EIF4ENIF1: variants seen among roughly 807,000 people sequenced by gnomAD.
EIF4ENIF1 encodes the protein eukaryotic translation initiation factor 4E transporter.
Under a neutral mutation model 110.5 loss-of-function variants are expected in EIF4ENIF1, and 23 were observed. The ratio of observed to expected loss-of-function variants is 0.21; its 90% confidence interval spans 0.15 to 0.29. EIF4ENIF1 has a LOEUF of 0.29. Among genes scored for constraint, EIF4ENIF1 ranks in the 10% least tolerant of loss-of-function variants. EIF4ENIF1 has a pLI of 1.00. For synonymous variants in EIF4ENIF1, 440 were observed against 437.0 expected, an observed-to-expected ratio of 1.01 and a Z score of -0.09; for missense variants, 1,031 against 1,221.1, an observed-to-expected ratio of 0.84 and a Z score of 2.32.
upstream of EIF4ENIF1, among the ~76,000 whole-genome samples, chr22:31,491,825 G>C (rs1359200078): frequency 6.6e-6 from 1 of 152,172 alleles, no homozygotes; most frequent in Non-Finnish European, 1.5e-5. Context: ...TTACAGGCAT[G>C]AGCCACCACA....
intron 6 of EIF4ENIF1, among the ~76,000 whole-genome samples, chr22:31,461,125 T>C (rs1207668857): frequency 2.6e-5 from 4 of 152,184 alleles, no homozygotes; most frequent in African/African-American, 4.8e-5. Flanking sequence ...AACCCTTAAG[T>C]TATGATAGGC....
At chr22:31,465,756 A>G (rs2051163936) in intron 4 of EIF4ENIF1, among the ~76,000 whole-genome samples, 1 of 152,250 alleles carries the variant, frequency 6.6e-6, no homozygotes, top group Non-Finnish European at 1.5e-5. Context: ...ACAGTCAAAA[A>G]CTGGAAACAA....
chr22:31,456,544 T>C (rs957246638), intron 7 of EIF4ENIF1, among the ~76,000 whole-genome samples: 1 of 151,894 alleles, frequency 6.6e-6, no homozygotes, highest in Non-Finnish European at 1.5e-5. Flanking sequence ...TAAGACAGTC[T>C]CGCTCTGTTG....
chr22:31,491,869 C>T (rs1487923701), upstream of EIF4ENIF1, among the ~76,000 whole-genome samples: 5 of 152,134 alleles, frequency 3.3e-5, no homozygotes, highest in Admixed American at 6.5e-5. Flanking sequence ...ATACTAGAAA[C>T]CCGGAAATTA....
At position 31,440,787 on chromosome 22, in the gene EIF4ENIF1, G is replaced by C; in HGVS notation, c.2633C>G (p.Pro878Arg). ...PILGQPFYPLPAASHPLLNPR... is the reference protein window; with the variant it reads ...PILGQPFYPLRAASHPLLNPR... Reference sequence around the variant, plus strand: ...GTTTAAGAGAGGGTGACTAGCAGCAGGTAAAGGGTAAAAGGGCTGACCCAG... The same window carrying C: ...GTTTAAGAGAGGGTGACTAGCAGCACGTAAAGGGTAAAAGGGCTGACCCAG... The change falls in exon 18 of 19, where the codon CCT becomes CGT. Residue 878 changes from proline to arginine, a missense_variant. Physicochemically the swap from Pro to Arg is moderately radical, Grantham distance 103. Coordinates refer to ENST00000330125, the MANE Select transcript of EIF4ENIF1 (RefSeq NM_019843.4). The C allele has an allele frequency of 1.1e-5, 18 of 1,613,994 alleles. No homozygotes were observed. The highest frequency in any genetic ancestry group is 1.5e-5 in the Non-Finnish European group (18 of 1,179,882).
chr22:31,473,821 T>C (rs1313543747), intron 2 of EIF4ENIF1, among the ~76,000 whole-genome samples: 2 of 152,228 alleles, frequency 1.3e-5, no homozygotes. Flanking sequence ...GCATTTAGCA[T>C]GCAATCTGTG....
At chr22:31,463,177 C>T (rs745723105) in intron 5 of EIF4ENIF1, 44 bp from the exon 6 acceptor site, 13 of 1,579,200 alleles carry the variant, frequency 8.2e-6, no homozygotes, top group Non-Finnish European at 1.1e-5. Context: ...TCTAGTCAAG[C>T]CATTTCTACT....
intron 2 of EIF4ENIF1, 31 bp downstream of exon 2, chr22:31,488,592 G>A (rs752360412): frequency 1.9e-6 from 3 of 1,613,864 alleles, no homozygotes; most frequent in Admixed American, 3.3e-5. Flanking sequence ...CACCTAAAAA[G>A]AAACACTATT....
At position 31,439,653 on chromosome 22, in the gene EIF4ENIF1, T is replaced by C; in HGVS notation, c.*227A>G. 1.7e-6 allele frequency: 1 copy of C among 597,538 alleles called. No individual in the cohort carries two copies. Among genetic ancestry groups the C allele is most frequent in the South Asian group, 2.3e-5 (1 of 42,800 alleles). The allele number at this position is 597,538 out of a possible 1,614,324, so 37.0% of individuals were successfully genotyped here. A position where few individuals can be genotyped will look rare whatever the true frequency, so the allele number is the denominator to read the frequency against. On this transcript the variant is annotated 3_prime_UTR_variant, in exon 19 of 19. Coordinates refer to ENST00000330125, the MANE Select transcript of EIF4ENIF1 (RefSeq NM_019843.4). ...TATCTTACAAAAAAGAAAGACCATTTCCAGGATTGACAACATTGTGCATCC... is the reference window on the plus strand; with the variant it reads ...TATCTTACAAAAAAGAAAGACCATTCCCAGGATTGACAACATTGTGCATCC...
chr22:31,465,659 T>G (rs1367995105), intron 4 of EIF4ENIF1, among the ~76,000 whole-genome samples: 1 of 152,222 alleles, frequency 6.6e-6, no homozygotes, highest in Admixed American at 6.5e-5. Context: ...AACCCAGCCA[T>G]TTTAATCCTA....
At chr22:31,454,988 G>A (rs2050772472) in intron 9 of EIF4ENIF1, 148 bp downstream of exon 9, 1 of 633,350 alleles carries the variant, frequency 1.6e-6, no homozygotes, top group Middle Eastern at 4.6e-4. Context: ...ATTGTTTGAT[G>A]AAATGAGTTT....
intron 15 of EIF4ENIF1, 121 bp from the exon 16 acceptor site, chr22:31,443,215 G>A: frequency 8.8e-6 from 12 of 1,370,110 alleles, no homozygotes; most frequent in South Asian, 5.7e-5. Context: ...TAGGCCAACT[G>A]TAGTATTCTG....
At position 31,442,066 on chromosome 22, in the gene EIF4ENIF1, G is replaced by A. The variant is rs1239637563; in HGVS notation, c.2259C>T (p.Pro753=). Residue 753 remains proline, a synonymous_variant, in exon 17 of 19, where the codon CCC becomes CCT. Transcript: ENST00000330125. The stretch of plus-strand genomic sequence containing the variant: ...ATGCTGACAGTTTGGAATTTGTAGT[G>A]GGAGAAGAGTCTCGATCGGCACTGG... ...SVPSADRDSS[P]TTNSKLSALQ... The A allele has an allele frequency of 1.9e-6, 3 of 1,614,166 alleles. No homozygotes were observed. Among genetic ancestry groups the A allele is most frequent in the African/African-American group, 1.3e-5 (1 of 75,030 alleles).
chr22:31,474,725 A>G (rs1601632058), intron 2 of EIF4ENIF1, among the ~76,000 whole-genome samples: 1 of 152,110 alleles, frequency 6.6e-6, no homozygotes, highest in Admixed American at 6.6e-5. Flanking sequence ...GCACACTAAC[A>G]CACATATCTA....
At chr22:31,457,385 A>C (rs9606843) in intron 7 of EIF4ENIF1, among the ~76,000 whole-genome samples, 34,548 of 152,206 alleles carry the variant, frequency 0.23, 5,047 homozygotes, top group East Asian at 0.46. Context: ...ATTCAGTCAA[A>C]TATCCAAATT....
intron 2 of EIF4ENIF1, among the ~76,000 whole-genome samples, chr22:31,473,327 C>T (rs1480856011): frequency 1.3e-5 from 2 of 152,132 alleles, no homozygotes; most frequent in Non-Finnish European, 2.9e-5. Context: ...CTTCTGCAGA[C>T]CCAAGTTGAG....
chr22:31,441,246 C>T (rs990864683), intron 17 of EIF4ENIF1, among the ~76,000 whole-genome samples: 3 of 148,576 alleles, frequency 2.0e-5, no homozygotes, highest in South Asian at 4.3e-4. Context: ...GAGCGAGACT[C>T]AAAAAAGAAT....
chr22:31,451,458 T>C (rs1010091593), intron 10 of EIF4ENIF1, among the ~76,000 whole-genome samples: 16 of 151,162 alleles, frequency 1.1e-4, no homozygotes, highest in African/African-American at 3.9e-4. Context: ...TTTTTTTCAG[T>C]AGAGACGGGG....
chr22:31,458,240 A>AC (rs2050888173), intron 7 of EIF4ENIF1, among the ~76,000 whole-genome samples: 1 of 151,018 alleles, frequency 6.6e-6, no homozygotes, highest in East Asian at 1.9e-4. Flanking sequence ...AAAAAAAAAA[A>AC]CAACAAAAAA....
Sources: allele counts gnomAD v4.1 joint callset (sites outside exome capture counted in the v4.1 genomes callset), GRCh38; gene constraint gnomAD v4.1.1; transcripts MANE v1.5; gene names NCBI Gene and HGNC (gene_info 2026-07-23, HGNC 2026-07-21).